Variants in HECW2 observed in about 807,000 individuals in gnomAD.
HECW2 encodes E3 ubiquitin-protein ligase HECW2.
In HECW2, 61 loss-of-function variants were observed where a neutral mutation model predicts 175.2. That is an observed-to-expected ratio of 0.35 (90% CI 0.28 to 0.43). The LOEUF (loss-of-function observed/expected upper bound fraction) is 0.43, where lower values mean the gene tolerates loss of function less well. Ranked by LOEUF, HECW2 falls within the 20% of genes least tolerant of loss-of-function variation. HECW2 has a pLI of 1.00. For synonymous variants in HECW2, 671 were observed against 731.0 expected (o/e 0.92, Z 1.32); for missense variants, 1,524 against 2,000.5 (o/e 0.76, Z 4.54).
intron 2 of HECW2, among the ~76,000 whole-genome samples, chr2:196,379,457 G>A (rs186356771): frequency 0.012 from 1,865 of 152,148 alleles, 15 homozygotes; most frequent in Non-Finnish European, 0.018. Context: ...AGGTCGAGGC[G>A]GGTGGATCAC....
At chr2:196,234,279 G>GTT (rs369225517) in intron 21 of HECW2, among the ~76,000 whole-genome samples, 24 of 142,268 alleles carry the variant, frequency 1.7e-4, no homozygotes, top group Admixed American at 1.4e-4. Context: ...GTCTAATCCA[G>GTT]TTTTTTTTTT....
At chr2:196,334,103 CT>C (rs1353239017) in intron 4 of HECW2, among the ~76,000 whole-genome samples, 53 of 152,334 alleles carry the variant, frequency 3.5e-4, no homozygotes, top group African/African-American at 1.2e-3. Context: ...CAATGCCACT[CT>C]TTCCTACCAA....
At chr2:196,566,655 C>G (rs1369000128) in intron 1 of HECW2, among the ~76,000 whole-genome samples, 1 of 150,116 alleles carries the variant, frequency 6.7e-6, no homozygotes, top group Non-Finnish European at 1.5e-5. Flanking sequence ...GCCTCAGCCT[C>G]CTGAGTAGCC....
chr2:196,238,351 G>T (rs1360609578), intron 21 of HECW2: 3 of 152,170 alleles, frequency 2.0e-5, no homozygotes, highest in Admixed American at 2.0e-4. Flanking sequence ...AAAAGTTAGG[G>T]TTGTTCATTT....
chr2:196,527,768 A>G (rs954854150), intron 1 of HECW2, among the ~76,000 whole-genome samples: 2 of 152,226 alleles, frequency 1.3e-5, no homozygotes, highest in African/African-American at 4.8e-5. Flanking sequence ...ACCATATTTC[A>G]AGCCCCAGGG....
chr2:196,318,742 C>T lies in HECW2; in HGVS notation c.2148G>A (p.Glu716=), dbSNP rs1691803708. The change falls in exon 9 of 29, where the codon GAG becomes GAA. Residue 716 remains glutamate, a synonymous_variant. Coordinates refer to ENST00000644978, the MANE Select transcript of HECW2 (RefSeq NM_001348768.2). Reference sequence around the variant, plus strand: ...CCGATTCTGCCCCTGGCCCTTCATCCTCCCCACTGGGCACCTGTACCACAG... The same window carrying T: ...CCGATTCTGCCCCTGGCCCTTCATCTTCCCCACTGGGCACCTGTACCACAG... The part of the protein sequence containing the change: ...SLPVVQVPSG[E]DEGPGAESAT... 6.5e-7 allele frequency: 1 copy of T among 1,537,310 alleles called. No individual in the cohort carries two copies. The highest frequency in any genetic ancestry group is 8.8e-7 in the Non-Finnish European group (1 of 1,141,946).
At chr2:196,418,803 T>C (rs867422363) in intron 2 of HECW2, among the ~76,000 whole-genome samples, 12 of 152,162 alleles carry the variant, frequency 7.9e-5, no homozygotes, top group African/African-American at 2.9e-4. Flanking sequence ...AAACCTGCAA[T>C]GATGACTTAT....
At chr2:196,446,876 C>T (rs992162413) in intron 1 of HECW2, among the ~76,000 whole-genome samples, 1 of 152,084 alleles carries the variant, frequency 6.6e-6, no homozygotes, top group African/African-American at 2.4e-5. Context: ...TTATCCAATG[C>T]CTACTAAGTA....
At chr2:196,506,740 G>A (rs1451140907) in intron 1 of HECW2, among the ~76,000 whole-genome samples, 1 of 151,854 alleles carries the variant, frequency 6.6e-6, no homozygotes, top group Non-Finnish European at 1.5e-5. Flanking sequence ...AGTACCCCTT[G>A]TCAAAATTAA....
At chr2:196,419,595 C>T (rs967730304) in intron 2 of HECW2, among the ~76,000 whole-genome samples, 5 of 152,202 alleles carry the variant, frequency 3.3e-5, no homozygotes, top group African/African-American at 4.8e-5. Context: ...CAGTGCATTA[C>T]AATTATTTCC....
chr2:196,252,326 T>G (rs1032160172), intron 19 of HECW2, among the ~76,000 whole-genome samples: 1 of 152,140 alleles, frequency 6.6e-6, no homozygotes, highest in African/African-American at 2.4e-5. Context: ...ACTACTTTCA[T>G]GCTTCTGTGG....
chr2:196,574,891 A>T (rs949721902), intron 1 of HECW2, among the ~76,000 whole-genome samples: 1 of 152,128 alleles, frequency 6.6e-6, no homozygotes, highest in Admixed American at 6.6e-5. Flanking sequence ...CAGTCATCTG[A>T]TCTTTGACAA....
intron 2 of HECW2, among the ~76,000 whole-genome samples, chr2:196,344,727 T>G (rs1006114125): frequency 1.3e-5 from 2 of 152,212 alleles, no homozygotes; most frequent in African/African-American, 4.8e-5. Flanking sequence ...TAATGCCAGA[T>G]GTACCTCATT....
chr2:196,320,133 A>T (rs1691885168), intron 8 of HECW2, among the ~76,000 whole-genome samples: 1 of 152,174 alleles, frequency 6.6e-6, no homozygotes, highest in Non-Finnish European at 1.5e-5. Context: ...CAGTTTCAAA[A>T]TGCAGGCATC....
At chr2:196,209,863 C>A (rs1041303427) in intron 28 of HECW2, among the ~76,000 whole-genome samples, 1 of 151,896 alleles carries the variant, frequency 6.6e-6, no homozygotes, top group East Asian at 1.9e-4. Flanking sequence ...TCCCGGGCTC[C>A]CGCCATTCTC....
At chr2:196,531,454 G>A (rs990213058) in intron 1 of HECW2, among the ~76,000 whole-genome samples, 1 of 152,006 alleles carries the variant, frequency 6.6e-6, no homozygotes, top group South Asian at 2.1e-4. Flanking sequence ...TCAGGAGTTC[G>A]AGACCAGCCT....
chr2:196,584,719 T>A (rs955506388), intron 1 of HECW2, among the ~76,000 whole-genome samples: 1 of 152,194 alleles, frequency 6.6e-6, no homozygotes, highest in Non-Finnish European at 1.5e-5. Flanking sequence ...TACTCTTCCC[T>A]GAACCCTTTC....
intron 2 of HECW2, among the ~76,000 whole-genome samples, chr2:196,386,873 C>T (rs944372068): frequency 6.6e-6 from 1 of 152,144 alleles, no homozygotes; most frequent in Non-Finnish European, 1.5e-5. Context: ...ACAACACTCA[C>T]TCACTGTGAA....
intron 2 of HECW2, among the ~76,000 whole-genome samples, chr2:196,429,559 T>A (rs1362212417): frequency 2.0e-5 from 3 of 152,200 alleles, no homozygotes; most frequent in Non-Finnish European, 4.4e-5. Flanking sequence ...AGCACCAGAC[T>A]AGCTTTCCCA....
Sources: gnomAD v4.1 joint callset for allele counts (sites outside exome capture counted in the v4.1 genomes callset) on GRCh38, gnomAD v4.1.1 for gene constraint, MANE v1.5 for transcripts, NCBI Gene and HGNC (gene_info 2026-07-23, HGNC 2026-07-21) for gene names.